Variants in NOL9 observed in about 807,000 individuals in gnomAD.
NOL9 encodes nucleolar protein 9, also known as polynucleotide 5'-hydroxyl-kinase NOL9.
Under a neutral mutation model 67.9 loss-of-function variants are expected in NOL9, and 28 were observed. The observed-to-expected ratio is 0.41, with a 90% CI of 0.31 to 0.57. The LOEUF (loss-of-function observed/expected upper bound fraction) is 0.57, where lower values mean the gene tolerates loss of function less well. Ranked by LOEUF, NOL9 falls within the 20% of genes least tolerant of loss-of-function variation. The pLI, the probability that NOL9 is intolerant of heterozygous loss-of-function variation, is 0.25. For synonymous variants in NOL9, 356 were observed against 352.2 expected (o/e 1.01, Z -0.12); for missense variants, 777 against 897.0 (o/e 0.87, Z 1.71).
chr1:6,526,197 C>G (rs909732179), intron 11 of NOL9, among the ~76,000 whole-genome samples, 194 bp from the exon 12 acceptor site: 5 of 152,156 alleles, frequency 3.3e-5, no homozygotes, highest in African/African-American at 1.2e-4. Context: ...GCCAAGGCCT[C>G]CCTTCTGTCC....
rs1234944584 is a variant in NOL9 at position 6,522,595 on chromosome 1, A to G, written c.*3259T>C. 2 of 151,084 alleles carry G rather than the reference A, an allele frequency of 1.3e-5. No homozygotes were observed. The highest frequency in any genetic ancestry group is 4.9e-5 in the African/African-American group (2 of 41,032). 9.4% of individuals were successfully genotyped at this position (151,084 alleles called of 1,614,324 possible). ...CAAAAACTAAGAGCTTTTGTAAAGAATAGCTTCAGGCCAGGCGCAGTGGCT... is the reference window on the plus strand; with the variant it reads ...CAAAAACTAAGAGCTTTTGTAAAGAGTAGCTTCAGGCCAGGCGCAGTGGCT... On this transcript the variant is annotated 3_prime_UTR_variant, in exon 12 of 12. Coordinates refer to ENST00000377705, the MANE Select transcript of NOL9 (RefSeq NM_024654.5).
Position 6,525,746 on chromosome 1 carries a change from A to T in NOL9, c.*108T>A. 8.7e-7 allele frequency: 1 copy of T among 1,146,654 alleles called. No individual in the cohort carries two copies. Among genetic ancestry groups the T allele is most frequent in the Non-Finnish European group, 1.3e-6 (1 of 782,030 alleles). The allele number at this position is 1,146,654 out of a possible 1,614,324, so 71.0% of individuals were successfully genotyped here. On this transcript the variant is annotated 3_prime_UTR_variant, in exon 12 of 12. Coordinates refer to ENST00000377705, the MANE Select transcript of NOL9 (RefSeq NM_024654.5). ...GAATTACACAAAAAACACTGTTGCT[A>T]ATAAGGGCACCATTCATGGCCATGA... is the stretch of plus-strand genomic sequence containing the variant.
intron 1 of NOL9, 38 bp from the exon 2 acceptor site, chr1:6,550,653 A>C: frequency 1.1e-5 from 14 of 1,303,548 alleles, no homozygotes; most frequent in Non-Finnish European, 1.5e-5. Flanking sequence ...ATTATAGATC[A>C]TGTCACTAAT....
Position 6,523,276 on chromosome 1 carries a change from T to G in NOL9, c.*2578A>C, listed in dbSNP as rs1281095903. On this transcript the variant is annotated 3_prime_UTR_variant, in exon 12 of 12. Coordinates refer to ENST00000377705, the MANE Select transcript of NOL9 (RefSeq NM_024654.5). ...AGTCCAATCTTGTCCTTCTTCTAAA[T>G]GCCCTTAAAGCCACTGCCACCAGCC... 3 of 152,166 alleles carry G rather than the reference T, an allele frequency of 2.0e-5. No homozygotes were observed. The East Asian group carries it at 5.8e-4, about 30-fold the overall frequency. The allele number at this position is 152,166 out of a possible 1,614,324, so 9.4% of individuals were successfully genotyped here. A position where few individuals can be genotyped will look rare whatever the true frequency, so the allele number is the denominator to read the frequency against.
chr1:6,529,481 G>C (rs146550480), intron 9 of NOL9, among the ~76,000 whole-genome samples: 1,552 of 152,136 alleles, frequency 0.01, 26 homozygotes, highest in African/African-American at 0.035. Context: ...CCAGCTACTC[G>C]GGAGGCTAAG....
intron 1 of NOL9, among the ~76,000 whole-genome samples, chr1:6,552,394 G>A (rs1244967567): frequency 6.6e-6 from 1 of 152,002 alleles, no homozygotes; most frequent in Non-Finnish European, 1.5e-5. Context: ...CCAAGTCCCT[G>A]CAAAGGACAT....
chr1:6,536,345 C>CAAATAAAATA (rs70981383), intron 6 of NOL9, among the ~76,000 whole-genome samples: 4 of 149,834 alleles, frequency 2.7e-5, no homozygotes, highest in African/African-American at 4.9e-5. Context: ...GACTCCGTCT[C>CAAATAAAATA]AAATAAAATA....
In NOL9 at chr1:6,541,861, A is replaced by T. The variant is rs1420302864; in HGVS notation, c.1044T>A (p.Ile348=). The part of the protein sequence containing the change: ...GQTEFTPPGC[I]SLLNITEPVL... ...CTGGTTCTGTAATATTAAGCAAAGA[A>T]ATGCAACCAGGAGGGGTAAATTCTG... The change falls in exon 6 of 12, where the codon ATT becomes ATA. Residue 348 remains isoleucine, a synonymous_variant. Coordinates refer to ENST00000377705, the MANE Select transcript of NOL9 (RefSeq NM_024654.5). The T allele has an allele frequency of 6.2e-7, 1 of 1,609,382 alleles. No homozygotes were observed.
chr1:6,544,300 G>A (rs4908918), intron 5 of NOL9, among the ~76,000 whole-genome samples: 147,981 of 150,972 alleles, frequency 0.98, 72,603 homozygotes, highest in East Asian at 1. Context: ...AAAAAATTAA[G>A]CGAAAATTCC....
At chr1:6,532,236 A>T in intron 8 of NOL9, 157 bp from the exon 9 acceptor site, 1 of 726,226 alleles carries the variant, frequency 1.4e-6, no homozygotes, top group South Asian at 1.8e-5. Context: ...AAGTGTAAAG[A>T]CTCTCCTTTA....
At chr1:6,545,449 T>G (rs563912250) in intron 3 of NOL9, among the ~76,000 whole-genome samples, 1 of 152,310 alleles carries the variant, frequency 6.6e-6, no homozygotes, top group South Asian at 2.1e-4. Context: ...AAGACATGAC[T>G]GCACAGGAAA....
At chr1:6,544,067 A>T (rs1639360311) in intron 5 of NOL9, among the ~76,000 whole-genome samples, 1 of 152,160 alleles carries the variant, frequency 6.6e-6, no homozygotes, top group Non-Finnish European at 1.5e-5. Flanking sequence ...CGGAGGTTGC[A>T]GTGAGCAGAG....
intron 1 of NOL9, among the ~76,000 whole-genome samples, chr1:6,552,265 G>GC (rs997132624): frequency 1.3e-5 from 2 of 152,028 alleles, no homozygotes; most frequent in Non-Finnish European, 2.9e-5. Flanking sequence ...TGCACACCCT[G>GC]CGTATGTACC....
intron 10 of NOL9, among the ~76,000 whole-genome samples, chr1:6,527,377 G>A (rs1373428132): frequency 2.0e-5 from 3 of 152,100 alleles, no homozygotes; most frequent in Non-Finnish European, 4.4e-5. Context: ...GGCCAGCTGC[G>A]GTGGCTATGC....
In NOL9 at chr1:6,541,903, T is replaced by A. The variant is rs773405800; in HGVS notation, c.1002A>T (p.Glu334Asp). 6.2e-7 allele frequency: 1 copy of A among 1,604,302 alleles called. No individual in the cohort carries two copies. The highest frequency in any genetic ancestry group is 1.7e-5 in the Admixed American group (1 of 57,930). Residue 334 changes from glutamate (E) to aspartate (D), a missense_variant, in exon 6 of 12, where the codon GAA (glutamate) becomes GAT (aspartate). This residue lies in a region of NOL9 where 413 missense variants were observed against 552.6 expected (regional missense o/e 0.75). Transcript: ENST00000377705. ...LNSLPCVDYL[E>D]CDLGQTEFTP... ...TAAATTCTGTCTGTCCCAGATCACA[T>A]TCCAAATAGTCAACGCAGGGAAGAC...
intron 6 of NOL9, among the ~76,000 whole-genome samples, chr1:6,540,196 C>A (rs1048508258): frequency 6.9e-6 from 1 of 145,614 alleles, no homozygotes; most frequent in Non-Finnish European, 1.5e-5. Flanking sequence ...GAGCTCAGCT[C>A]ACTGCAAGCT....
At position 6,527,261 on chromosome 1, in the gene NOL9, T is replaced by A. The variant is rs145057845; in HGVS notation, c.1826-432A>T. ...GACTGTCTCAAAAAAAAAAAAAAAATACAAAGAGTCAAGAGATGGAGTCCT... is the reference window on the plus strand; with the variant it reads ...GACTGTCTCAAAAAAAAAAAAAAAAAACAAAGAGTCAAGAGATGGAGTCCT... On this transcript the variant is annotated intron_variant, in intron 10 of 11. Coordinates refer to ENST00000377705, the MANE Select transcript of NOL9 (RefSeq NM_024654.5). Among the ~76,000 whole-genome samples, 2 of 43,678 alleles carry A rather than the reference T, an allele frequency of 4.6e-5. 1 individual carries two copies. Among genetic ancestry groups the A allele is most frequent in the African/African-American group, 8.8e-5 (2 of 22,784 alleles). The allele number at this position is 43,678 out of a possible 152,430, so 28.7% of individuals were successfully genotyped here. A position where few individuals can be genotyped will look rare whatever the true frequency, so the allele number is the denominator to read the frequency against.
At chr1:6,553,213 A>G (rs1410598441) in intron 1 of NOL9, among the ~76,000 whole-genome samples, 1 of 152,174 alleles carries the variant, frequency 6.6e-6, no homozygotes, top group East Asian at 1.9e-4. Context: ...GACAGACTCT[A>G]CCACTCTGTC....
rs1570087062 is a variant in NOL9 at position 6,550,271 on chromosome 1, T to C, written c.616+125A>G. ...TGGTCTCGATCTCCTGACCTCATGA[T>C]CCGCCCGCCTTGGCCTCCCAAAGTG... is the stretch of plus-strand genomic sequence containing the variant. On this transcript the variant is annotated intron_variant, in intron 2 of 11. Coordinates refer to ENST00000377705, the MANE Select transcript of NOL9 (RefSeq NM_024654.5). The C allele has an allele frequency of 3.1e-5, 23 of 741,334 alleles. No individual in the cohort carries two copies. In the South Asian group the frequency reaches 3.6e-4, roughly 11 times the overall value. 45.9% of individuals were successfully genotyped at this position (741,334 alleles called of 1,614,324 possible).
Sources: gnomAD v4.1 joint callset for allele counts (sites outside exome capture counted in the v4.1 genomes callset) on GRCh38, gnomAD v4.1.1 for gene constraint, gnomAD v4.1.1 regional missense constraint, MANE v1.5 for transcripts, NCBI Gene and HGNC (gene_info 2026-07-23, HGNC 2026-07-21) for gene names.